KLHL36: variants seen among roughly 807,000 people sequenced by gnomAD.
The protein encoded by KLHL36 is kelch like family member 36.
In KLHL36, 35 loss-of-function variants were observed where a neutral mutation model predicts 53.3. The observed-to-expected ratio is 0.66, with a 90% CI of 0.50 to 0.87. The LOEUF (loss-of-function observed/expected upper bound fraction) is 0.87. Among genes scored for constraint, KLHL36 ranks in the 40% least tolerant of loss-of-function variants. The pLI is 0.00. For synonymous variants in KLHL36, 472 were observed against 398.9 expected, an observed-to-expected ratio of 1.18 and a Z score of -2.18; for missense variants, 864 against 897.6, an observed-to-expected ratio of 0.96 and a Z score of 0.48.
rs558798461 is a variant in KLHL36, at chr16:84,664,198, G to A, written c.*2065G>A. ...CTTACCCCCTTCCTATTCGGGAAAG[G>A]TTTTATTGCTTGTAGACCCCTCAGA... On this transcript the variant is annotated 3_prime_UTR_variant, in exon 5 of 5. Coordinates refer to ENST00000564996, the MANE Select transcript of KLHL36 (RefSeq NM_024731.4). The A allele has an allele frequency of 6.6e-6, 1 of 152,292 alleles. No individual in the cohort carries two copies. The highest frequency in any genetic ancestry group is 1.5e-5 in the Non-Finnish European group (1 of 68,026). 9.4% of individuals were successfully genotyped at this position (152,292 alleles called of 1,614,324 possible). A position where few individuals can be genotyped will look rare whatever the true frequency, so the allele number is the denominator to read the frequency against.
In KLHL36 at chr16:84,661,784, G is replaced by A; in HGVS notation, c.1502G>A (p.Ser501Asn). Reference sequence around the variant, plus strand: ...GACAGCATCTACTCCATCGGGGGCAGCGATGACAACATCGAGTCCATGGAG... The same window carrying A: ...GACAGCATCTACTCCATCGGGGGCAACGATGACAACATCGAGTCCATGGAG... ...LGDSIYSIGGSDDNIESMERF... is the reference protein window; with the variant it reads ...LGDSIYSIGGNDDNIESMERF... The change falls in exon 5 of 5, where the codon AGC becomes AAC. Residue 501 changes from serine to asparagine, a missense_variant. Transcript: ENST00000564996. The surrounding 1 kb of genome is among the most constrained non-coding windows in gnomAD (Gnocchi z 7.9). The A allele has an allele frequency of 1.2e-6, 2 of 1,612,672 alleles. No individual in the cohort carries two copies. Among genetic ancestry groups the A allele is most frequent in the Non-Finnish European group, 1.7e-6 (2 of 1,179,168 alleles).
intron 2 of KLHL36, among the ~76,000 whole-genome samples, chr16:84,652,804 T>C (rs948048389): frequency 6.6e-6 from 1 of 152,200 alleles, no homozygotes; most frequent in Non-Finnish European, 1.5e-5. Flanking sequence ...TGTGCAACAT[T>C]GTGCCTCTGA....
In KLHL36 at chr16:84,650,934, T is replaced by G. The variant is rs1906836745; in HGVS notation, c.63+4T>G. On this transcript the variant is annotated splice_donor_region_variant and intron_variant, in intron 2 of 4. Transcript: ENST00000564996. Reference sequence around the variant, plus strand: ...CAAGATCAGCGAATCATCAAAGGTCTGTGAATGTTCACTCACCACCTATGC... The same window carrying G: ...CAAGATCAGCGAATCATCAAAGGTCGGTGAATGTTCACTCACCACCTATGC... 2 of 1,608,678 alleles carry G rather than the reference T, an allele frequency of 1.2e-6. No homozygotes were observed. The highest frequency in any genetic ancestry group is 1.7e-5 in the Admixed American group (1 of 58,692).
chr16:84,661,291 G>T lies in KLHL36; in HGVS notation c.1296-287G>T, dbSNP rs934498394. Among the ~76,000 whole-genome samples the T allele has an allele frequency of 1.3e-5, 2 of 152,158 alleles. No individual in the cohort carries two copies. Among genetic ancestry groups the T allele is most frequent in the African/African-American group, 4.8e-5 (2 of 41,430 alleles). ...TCCAGCCATTGTGAAAAGGGTGATG[G>T]TCCTGTGATTATTCCCATTTCCCAG... On this transcript the variant is annotated intron_variant, in intron 4 of 4. Coordinates refer to ENST00000564996, the MANE Select transcript of KLHL36 (RefSeq NM_024731.4). This position sits in a 1 kb window ranked among gnomAD's most constrained non-coding sequence, Gnocchi z 7.9.
chr16:84,650,792 G>A, intron 1 of KLHL36, 60 bp from the exon 2 acceptor site: 2 of 1,270,748 alleles, frequency 1.6e-6, no homozygotes, highest in South Asian at 1.3e-5. Context: ...AGCAGGGCCT[G>A]AAATTAATGA....
At position 84,662,556 on chromosome 16, in the gene KLHL36, C is replaced by T. The variant is rs191774558; in HGVS notation, c.*423C>T. Reference sequence around the variant, plus strand: ...TTTTAAGAATACAGATGCGTGAGCCCCGCTCAGAATTATGGAATCCAAAAC... The same window carrying T: ...TTTTAAGAATACAGATGCGTGAGCCTCGCTCAGAATTATGGAATCCAAAAC... On this transcript the variant is annotated 3_prime_UTR_variant, in exon 5 of 5. Transcript: ENST00000564996. 6.3e-6 allele frequency: 1 copy of T among 157,862 alleles called. No individual in the cohort carries two copies. Among genetic ancestry groups the T allele is most frequent in the East Asian group, 1.9e-4 (1 of 5,386 alleles). The allele number at this position is 157,862 out of a possible 1,614,324, so 9.8% of individuals were successfully genotyped here. A position where few individuals can be genotyped will look rare whatever the true frequency, so the allele number is the denominator to read the frequency against.
chr16:84,650,807 C>A, intron 1 of KLHL36, 45 bp from the exon 2 acceptor site: 2 of 1,387,058 alleles, frequency 1.4e-6, no homozygotes, highest in South Asian at 1.2e-5. Context: ...TAATGAATGA[C>A]CTAGAGTTAT....
intron 4 of KLHL36, among the ~76,000 whole-genome samples, chr16:84,660,762 C>T (rs1432872346): frequency 6.6e-6 from 1 of 152,262 alleles, no homozygotes; most frequent in East Asian, 1.9e-4. Flanking sequence ...GCTGGGACTG[C>T]AGGCGCCTGC....
At chr16:84,650,235 T>A in intron 1 of KLHL36, among the ~76,000 whole-genome samples, 1 of 152,218 alleles carries the variant, frequency 6.6e-6, no homozygotes, top group East Asian at 1.9e-4. Context: ...GTGTCTAGAA[T>A]GTACTGTGTA....
rs202121345 is a variant in KLHL36, at chr16:84,656,878, G to T, written c.71G>T (p.Arg24Leu). 3.9e-5 allele frequency: 63 copies of T among 1,606,582 alleles called. No individual in the cohort carries two copies. The highest frequency in any genetic ancestry group is 5.2e-5 in the Non-Finnish European group (61 of 1,176,056). Residue 24 changes from arginine to leucine, a missense_variant, in exon 3 of 5, where the codon CGC becomes CTC. Coordinates refer to ENST00000564996, the MANE Select transcript of KLHL36 (RefSeq NM_024731.4). ...YKISESSKVY[R>L]WADHSSTVLQ... ...TGTGTCTTCTCTGTCCAGGTATACC[G>T]CTGGGCCGACCACTCAAGCACGGTG...
chr16:84,659,701 A>C, intron 3 of KLHL36, 59 bp from the exon 4 acceptor site: 1 of 1,565,054 alleles, frequency 6.4e-7, no homozygotes, highest in Non-Finnish European at 8.8e-7. Flanking sequence ...CCGCAGCGCC[A>C]GATGTTGATG....
intron 3 of KLHL36, 61 bp downstream of exon 3, chr16:84,658,005 G>A (rs1030523579): frequency 1.3e-5 from 16 of 1,279,322 alleles, no homozygotes; most frequent in Middle Eastern, 2.0e-4. Flanking sequence ...CCTTAACCTA[G>A]CCTTGACTTT....
Position 84,662,049 on chromosome 16 carries a change from C to T in KLHL36, c.1767C>T (p.Ser589=), listed in dbSNP as rs1455839875. The change falls in exon 5 of 5, where the codon TCC becomes TCT. Residue 589 remains serine (S), a synonymous_variant. Coordinates refer to ENST00000564996, the MANE Select transcript of KLHL36 (RefSeq NM_024731.4). Reference sequence around the variant, plus strand: ...TGCCCAAGGCCATCGCTGGCGGGTCCGCCTGTGTCTGCGCCCTGGAGCCAC... The same window carrying T: ...TGCCCAAGGCCATCGCTGGCGGGTCTGCCTGTGTCTGCGCCCTGGAGCCAC... ...VDLPKAIAGG[S]ACVCALEPRP... is the part of the protein sequence containing the mutation. 14 of 1,583,120 alleles carry T rather than the reference C, an allele frequency of 8.8e-6. No homozygotes were observed. The highest frequency in any genetic ancestry group is 8.0e-5 in the African/African-American group (6 of 74,780).
chr16:84,654,549 A>G (rs1286178605), intron 2 of KLHL36, among the ~76,000 whole-genome samples: 3 of 152,280 alleles, frequency 2.0e-5, no homozygotes, highest in Non-Finnish European at 2.9e-5. Flanking sequence ...CTGCCAAGGA[A>G]GCTGAAGTGG....
At position 84,657,521 on chromosome 16, in the gene KLHL36, G is replaced by C; in HGVS notation, c.714G>C (p.Pro238=). 1 of 1,609,796 alleles carries C rather than the reference G, an allele frequency of 6.2e-7. No individual in the cohort carries two copies. Among genetic ancestry groups the C allele is most frequent in the Non-Finnish European group, 8.5e-7 (1 of 1,179,888 alleles). Residue 238 remains proline (P), a synonymous_variant, in exon 3 of 5, where the codon CCG becomes CCC. Transcript: ENST00000564996. ...AGGTGCTGGAGAACATCCACTTCCC[G>C]CTCATCCCCAAGAACGACCTGCTGC... The part of the protein sequence containing the change: ...ARQVLENIHF[P]LIPKNDLLHR...
chr16:84,651,674 G>C (rs1485695929), intron 2 of KLHL36, among the ~76,000 whole-genome samples: 1 of 152,118 alleles, frequency 6.6e-6, no homozygotes, highest in African/African-American at 2.4e-5. Flanking sequence ...TCAGATCATG[G>C]ATTCTCAATG....
In KLHL36 at chr16:84,657,747, G is replaced by T. The variant is rs1419750069; in HGVS notation, c.940G>T (p.Asp314Tyr). The change falls in exon 3 of 5, where the codon GAC becomes TAC. Residue 314 changes from aspartate to tyrosine, a missense_variant. Transcript: ENST00000564996. ...CGAGCGGTGTCTGGAGCTCAGTGAC[G>T]ACACCTGCTACCTGGACGCCAAGAG... Reference protein sequence around the residue: ...VSERCLELSDDTCYLDAKSEQ... With the variant: ...VSERCLELSDYTCYLDAKSEQ... 1 of 1,612,156 alleles carries T rather than the reference G, an allele frequency of 6.2e-7. No individual in the cohort carries two copies. The highest frequency in any genetic ancestry group is 1.7e-5 in the Admixed American group (1 of 59,896).
Position 84,657,925 on chromosome 16 carries a change from G to A in KLHL36, c.1118G>A (p.Arg373His), listed in dbSNP as rs749836425. 2 of 1,520,780 alleles carry A rather than the reference G, an allele frequency of 1.3e-6. No individual in the cohort carries two copies. Among genetic ancestry groups the A allele is most frequent in the Non-Finnish European group, 1.8e-6 (2 of 1,134,440 alleles). 94.2% of individuals were successfully genotyped at this position (1,520,780 alleles called of 1,614,324 possible). A position where few individuals can be genotyped will look rare whatever the true frequency, so the allele number is the denominator to read the frequency against. ...AATCTTCTTTATAGGTATGACCCCC[G>A]CTGTAAACAGTGGATCAAGGTGAGA... ...ASNLLYRYDPRCKQWIKVASM... is the reference protein window; with the variant it reads ...ASNLLYRYDPHCKQWIKVASM... The change falls in exon 3 of 5, where the codon CGC (arginine) becomes CAC (histidine). Residue 373 changes from arginine (R) to histidine (H), a missense_variant. Transcript: ENST00000564996.
intron 2 of KLHL36, among the ~76,000 whole-genome samples, chr16:84,652,399 G>T (rs895394107): frequency 6.6e-6 from 1 of 151,964 alleles, no homozygotes; most frequent in Non-Finnish European, 1.5e-5. Context: ...GCCTCCTGAG[G>T]AGCTGGGAAT....
Sources: gnomAD v4.1 joint callset for allele counts (sites outside exome capture counted in the v4.1 genomes callset) on GRCh38, gnomAD v4.1.1 for gene constraint, Gnocchi (gnomAD v3.1) non-coding constraint, MANE v1.5 for transcripts, NCBI Gene and HGNC (gene_info 2026-07-23, HGNC 2026-07-21) for gene names.